The following XPO7 variants were observed in gnomAD, a reference collection of about 807,000 sequenced individuals.
The protein encoded by XPO7 is exportin-7.
A neutral mutation model predicts 144.3 loss-of-function variants in XPO7; 21 were observed. The ratio of observed to expected loss-of-function variants is 0.15; its 90% CI spans 0.10 to 0.21. The LOEUF (loss-of-function observed/expected upper bound fraction) is 0.21, where lower values mean the gene tolerates loss of function less well. Ranked by LOEUF, XPO7 falls within the 10% of genes least tolerant of loss-of-function variation. The pLI, the probability that XPO7 is intolerant of heterozygous loss-of-function variation, is 1.00. For synonymous variants in XPO7, 580 were observed against 499.6 expected (o/e 1.16, Z -2.15); for missense variants, 808 against 1,325.8 (o/e 0.61, Z 6.06).
At chr8:22,001,980 CAG>C (rs1225035156) in intron 24 of XPO7, 130 bp from the exon 25 acceptor site, 107 of 1,000,572 alleles carry the variant, frequency 1.1e-4, no homozygotes, top group Non-Finnish European at 1.2e-4. Flanking sequence ...AAGAGGTTAA[CAG>C]GAGTCATCTT....
At chr8:21,968,794 T>G (rs1811963269) in intron 2 of XPO7, among the ~76,000 whole-genome samples, 1 of 152,256 alleles carries the variant, frequency 6.6e-6, no homozygotes. Context: ...CATGGAGGAA[T>G]TCTTCCTTAG....
At chr8:21,970,039 A>C (rs1005382139) in intron 3 of XPO7, 105 bp from the exon 4 acceptor site, 1 of 1,325,404 alleles carries the variant, frequency 7.5e-7, no homozygotes, top group Non-Finnish European at 1.0e-6. Flanking sequence ...AAATAGTCTA[A>C]ATTTATAATT....
At chr8:21,935,729 T>C (rs954000652) in intron 1 of XPO7, among the ~76,000 whole-genome samples, 2 of 152,226 alleles carry the variant, frequency 1.3e-5, no homozygotes, top group African/African-American at 2.4e-5. Flanking sequence ...TTAAGAGCTT[T>C]AGTTTTCTTA....
At chr8:21,936,888 G>A (rs1023000598) in intron 1 of XPO7, among the ~76,000 whole-genome samples, 18 of 152,082 alleles carry the variant, frequency 1.2e-4, no homozygotes, top group Admixed American at 9.8e-4. Context: ...GTGGTTTTGC[G>A]GGTGAAATGA....
rs917409474 is a variant in XPO7, at chr8:21,954,411, G to A, written c.19-12446G>A. Among the ~76,000 whole-genome samples the A allele has an allele frequency of 3.3e-5, 5 of 152,260 alleles. No individual in the cohort carries two copies. The South Asian group carries it at 1.0e-3, about 32-fold the overall frequency. On this transcript the variant is annotated intron_variant, in intron 1 of 27. Coordinates refer to ENST00000252512, the MANE Select transcript of XPO7 (RefSeq NM_015024.5). The stretch of plus-strand genomic sequence containing the variant: ...AGCACATTGGGAAGCCAAGACAGGC[G>A]GATCACGAGGTCAGGAGTTCGTGAC...
intron 1 of XPO7, among the ~76,000 whole-genome samples, chr8:21,939,355 G>A (rs956775663): frequency 2.0e-5 from 3 of 151,846 alleles, no homozygotes; most frequent in South Asian, 2.1e-4. Context: ...CCGAGTAGCC[G>A]GATTACAGGC....
intron 9 of XPO7, among the ~76,000 whole-genome samples, chr8:21,980,480 A>T (rs1361124690): frequency 2.0e-5 from 3 of 152,068 alleles, no homozygotes; most frequent in Non-Finnish European, 4.4e-5. Context: ...AGAAGTTAAG[A>T]CTCTAACATC....
intron 1 of XPO7, among the ~76,000 whole-genome samples, chr8:21,958,112 A>G (rs1470892459): frequency 6.6e-6 from 1 of 152,238 alleles, no homozygotes; most frequent in African/African-American, 2.4e-5. Context: ...AAATACTTCT[A>G]TTTGAACAAA....
At chr8:22,003,768 CTTTTT>C in intron 26 of XPO7, 130 bp from the exon 27 acceptor site, 2 of 1,334,448 alleles carry the variant, frequency 1.5e-6, no homozygotes, top group Non-Finnish European at 2.0e-6. Context: ...GCCTGAATTT[CTTTTT>C]TAAGGGTCCA....
chr8:21,942,588 G>C (rs567382832), intron 1 of XPO7, among the ~76,000 whole-genome samples: 15 of 152,298 alleles, frequency 9.8e-5, no homozygotes, highest in African/African-American at 2.9e-4. Context: ...GCCTCACATA[G>C]ATAACGTAGT....
intron 4 of XPO7, among the ~76,000 whole-genome samples, chr8:21,971,496 T>C (rs1812062205): frequency 6.6e-6 from 1 of 152,250 alleles, no homozygotes; most frequent in South Asian, 2.1e-4. Flanking sequence ...TATTTATATC[T>C]TAACCACACT....
At chr8:21,951,700 G>A (rs1461485781) in intron 1 of XPO7, among the ~76,000 whole-genome samples, 1 of 152,192 alleles carries the variant, frequency 6.6e-6, no homozygotes, top group Admixed American at 6.5e-5. Context: ...ACCAATAGCC[G>A]TGTAGGTGTG....
rs1362786970 is a variant in XPO7 at position 21,994,351 on chromosome 8, C to A, written c.2149-12C>A. ...TTCTTCTATTTTAACACATTTTTGC[C>A]TTCTACTACAGCGAACTCTAGTTGG... On this transcript the variant is annotated splice_polypyrimidine_tract_variant and intron_variant, in intron 19 of 27. Coordinates refer to ENST00000252512, the MANE Select transcript of XPO7 (RefSeq NM_015024.5). 1 of 1,608,944 alleles carries A rather than the reference C, an allele frequency of 6.2e-7. No individual in the cohort carries two copies.
intron 1 of XPO7, 46 bp from the exon 2 acceptor site, chr8:21,966,810 AT>A: frequency 1.6e-5 from 25 of 1,566,154 alleles, no homozygotes; most frequent in Non-Finnish European, 2.2e-5. Flanking sequence ...AGTTGCTTAC[AT>A]TTGTAGTAGG....
chr8:21,942,563 T>A (rs1427787596), intron 1 of XPO7, among the ~76,000 whole-genome samples: 3 of 152,240 alleles, frequency 2.0e-5, no homozygotes, highest in African/African-American at 7.2e-5. Context: ...GGTTGAAGTG[T>A]GTGATAAAAA....
At chr8:21,990,457 A>G (rs1191395967) in intron 17 of XPO7, 50 bp downstream of exon 17, 6 of 1,593,046 alleles carry the variant, frequency 3.8e-6, no homozygotes, top group Non-Finnish European at 5.2e-6. Flanking sequence ...CCACACATAC[A>G]CTTTCTCGAC....
chr8:21,979,440 C>CA (rs369665897), intron 8 of XPO7, among the ~76,000 whole-genome samples: 419 of 145,220 alleles, frequency 2.9e-3, no homozygotes, highest in African/African-American at 9.7e-3. Context: ...CGGAGTCTCT[C>CA]ACTGTTGCCC....
intron 9 of XPO7, among the ~76,000 whole-genome samples, chr8:21,980,567 C>G (rs1812371809): frequency 6.6e-6 from 1 of 152,022 alleles, no homozygotes. Context: ...AGGTCAGGAG[C>G]TCAAGACCAG....
chr8:21,993,937 CTCTG>C (rs1177389553), intron 19 of XPO7, among the ~76,000 whole-genome samples: 39 of 151,380 alleles, frequency 2.6e-4, no homozygotes, highest in Non-Finnish European at 1.5e-4. Flanking sequence ...CTCTCTCTCT[CTCTG>C]TCTCTCTCTC....
Sources: gnomAD v4.1 joint callset for allele counts (sites outside exome capture counted in the v4.1 genomes callset) on GRCh38, gnomAD v4.1.1 for gene constraint, MANE v1.5 for transcripts, NCBI Gene and HGNC (gene_info 2026-07-23, HGNC 2026-07-21) for gene names.